Variants in VKORC1L1 observed in about 807,000 individuals in gnomAD.
VKORC1L1 encodes the protein vitamin K epoxide reductase complex subunit 1L1.
VKORC1L1 carries 2 observed loss-of-function variants against 18.9 expected under a neutral mutation model. That is an observed-to-expected ratio of 0.11 (90% CI 0.04 to 0.33). The LOEUF (loss-of-function observed/expected upper bound fraction) is 0.33, where lower values mean the gene tolerates loss of function less well. VKORC1L1 is among the 10% of genes least tolerant of loss of function. The probability of loss-of-function intolerance (pLI) is 1.00; values close to 1 mark genes in which losing one functional copy is unlikely to be tolerated. For synonymous variants in VKORC1L1, 96 were observed against 100.0 expected (o/e 0.96, Z 0.24); for missense variants, 123 against 224.1 (o/e 0.55, Z 2.88).
intron 1 of VKORC1L1, among the ~76,000 whole-genome samples, chr7:65,899,753 A>C (rs1430932001): frequency 6.6e-6 from 1 of 152,156 alleles, no homozygotes; most frequent in African/African-American, 2.4e-5. Flanking sequence ...TAATCCCAGC[A>C]CTTTGGGAGG....
rs187362935 is a variant in VKORC1L1 at position 65,945,607 on chromosome 7, C to T, written c.195-3064C>T. Among the ~76,000 whole-genome samples the T allele has an allele frequency of 3.6e-4, 54 of 149,272 alleles. No homozygotes were observed. In the East Asian group the frequency reaches 8.3e-3, roughly 23 times the overall value. ...AGCCTGGGCGACACGAATGAGACTCCGTCTCAAAAAAAAAAGGTGGAAACA... is the reference window on the plus strand; with the variant it reads ...AGCCTGGGCGACACGAATGAGACTCTGTCTCAAAAAAAAAAGGTGGAAACA... On this transcript the variant is annotated intron_variant, in intron 1 of 2. Transcript: ENST00000360768.
chr7:65,921,708 C>A (rs368000749), intron 1 of VKORC1L1, among the ~76,000 whole-genome samples: 1 of 151,786 alleles, frequency 6.6e-6, no homozygotes, highest in Non-Finnish European at 1.5e-5. Context: ...ATTAGCCGGG[C>A]GTGGTGGCGG....
chr7:65,945,378 G>A lies in VKORC1L1; in HGVS notation c.195-3293G>A, dbSNP rs1171478932. Among the ~76,000 whole-genome samples, 7 of 152,124 alleles carry A rather than the reference G, an allele frequency of 4.6e-5. No individual in the cohort carries two copies. In the South Asian group the frequency reaches 6.2e-4, roughly 14 times the overall value. On this transcript the variant is annotated intron_variant, in intron 1 of 2. Coordinates refer to ENST00000360768, the MANE Select transcript of VKORC1L1 (RefSeq NM_173517.6). ...TGTAATCCCAGCACTTTGGGAGGCC[G>A]AGGCGGGCAGATCACGAGGTCAGCA...
Position 65,873,407 on chromosome 7 carries a change from G to C in VKORC1L1, c.36G>C (p.Pro12=). ...AAPVLLRVSV[P]RWERVARYAV... ...CCGTCCTGCTAAGAGTGTCGGTGCC[G>C]CGGTGGGAGCGGGTGGCCCGGTATG... is the stretch of plus-strand genomic sequence containing the variant. The change falls in exon 1 of 3, where the codon CCG becomes CCC. Residue 12 remains proline, a synonymous_variant. Transcript: ENST00000360768. 6.3e-7 allele frequency: 1 copy of C among 1,576,104 alleles called. No individual in the cohort carries two copies. The highest frequency in any genetic ancestry group is 1.1e-5 in the South Asian group (1 of 89,414).
At chr7:65,915,381 G>A (rs1162320221) in intron 1 of VKORC1L1, among the ~76,000 whole-genome samples, 4 of 151,068 alleles carry the variant, frequency 2.6e-5, no homozygotes, top group African/African-American at 7.3e-5. Context: ...ATGAGCCACC[G>A]CGCCCAGCCT....
At chr7:65,887,876 A>G (rs1249000960) in intron 1 of VKORC1L1, among the ~76,000 whole-genome samples, 2 of 152,222 alleles carry the variant, frequency 1.3e-5, no homozygotes, top group Non-Finnish European at 2.9e-5. Context: ...ATGTATCACC[A>G]TATTTCCCTC....
chr7:65,882,309 G>A (rs1788941660), intron 1 of VKORC1L1, among the ~76,000 whole-genome samples: 2 of 151,720 alleles, frequency 1.3e-5, no homozygotes, highest in Admixed American at 1.3e-4. Context: ...AACCCAGGAG[G>A]CAGAGGTTGC....
At chr7:65,908,511 A>G (rs769954715) in intron 1 of VKORC1L1, among the ~76,000 whole-genome samples, 3 of 152,012 alleles carry the variant, frequency 2.0e-5, no homozygotes, top group Admixed American at 1.3e-4. Context: ...CTAGCCTGGT[A>G]TTTCTCAAAC....
At chr7:65,919,664 C>T (rs144745365) in intron 1 of VKORC1L1, among the ~76,000 whole-genome samples, 23 of 152,334 alleles carry the variant, frequency 1.5e-4, no homozygotes, top group African/African-American at 5.3e-4. Context: ...CTACCATGCT[C>T]TCTGCTGGGA....
At chr7:65,899,042 A>C (rs551567043) in intron 1 of VKORC1L1, among the ~76,000 whole-genome samples, 2 of 152,368 alleles carry the variant, frequency 1.3e-5, no homozygotes, top group Non-Finnish European at 2.9e-5. Flanking sequence ...AAGTAAAAAG[A>C]CATGACCTTA....
chr7:65,919,243 A>G (rs768908225), intron 1 of VKORC1L1, among the ~76,000 whole-genome samples: 2 of 152,124 alleles, frequency 1.3e-5, no homozygotes, highest in African/African-American at 2.4e-5. Flanking sequence ...TCATTGATTA[A>G]TGGATTGATG....
rs1463949083 is a variant in VKORC1L1, at chr7:65,957,225, A to G, written c.*2925A>G. ...GCCGGGCACGGTGGCTCACGCCTAT[A>G]ATCCCAGCACTTTGGGAGGCCGAGG... On this transcript the variant is annotated 3_prime_UTR_variant, in exon 3 of 3. Coordinates refer to ENST00000360768, the MANE Select transcript of VKORC1L1 (RefSeq NM_173517.6). 3 of 152,298 alleles carry G rather than the reference A, an allele frequency of 2.0e-5. No individual in the cohort carries two copies. Among genetic ancestry groups the G allele is most frequent in the Admixed American group, 6.5e-5 (1 of 15,284 alleles). 9.4% of individuals were successfully genotyped at this position (152,298 alleles called of 1,614,324 possible).
chr7:65,888,227 A>G (rs1466303105), intron 1 of VKORC1L1, among the ~76,000 whole-genome samples: 1 of 152,192 alleles, frequency 6.6e-6, no homozygotes, highest in African/African-American at 2.4e-5. Context: ...TTTCAAGTCT[A>G]TAGGGTCCCT....
At chr7:65,948,928 C>A in intron 2 of VKORC1L1, 148 bp downstream of exon 2, 1 of 1,010,616 alleles carries the variant, frequency 9.9e-7, no homozygotes, top group Non-Finnish European at 1.4e-6. Context: ...ACTTGATTCA[C>A]TGAGATTTTT....
At chr7:65,866,863 GA>G in the VKORC1L1 span, among the ~76,000 whole-genome samples, 1 of 152,050 alleles carries the variant, frequency 6.6e-6, no homozygotes, top group Non-Finnish European at 1.5e-5. Context: ...TGTCGAGGAG[GA>G]AGAGGAGGAG....
In VKORC1L1 at chr7:65,930,153, A is replaced by C. The variant is rs567864498; in HGVS notation, c.195-18518A>C. ...GCCGGGTAACCTTATAAACTTCTTA[A>C]TTCTAGAAGCTCTTTTGCATTTTCC... is the stretch of plus-strand genomic sequence containing the variant. On this transcript the variant is annotated intron_variant, in intron 1 of 2. Coordinates refer to ENST00000360768, the MANE Select transcript of VKORC1L1 (RefSeq NM_173517.6). Among the ~76,000 whole-genome samples the C allele has an allele frequency of 6.2e-4, 95 of 152,266 alleles. 1 individual carries two copies. Among genetic ancestry groups the C allele is most frequent in the Non-Finnish European group, 1.0e-3 (71 of 68,008 alleles).
At chr7:65,877,806 C>CTA (rs1007388383) in intron 1 of VKORC1L1, among the ~76,000 whole-genome samples, 8 of 152,110 alleles carry the variant, frequency 5.3e-5, no homozygotes, top group Non-Finnish European at 1.5e-5. Flanking sequence ...GTCCTATGGT[C>CTA]TATGTATAGA....
At chr7:65,892,368 G>A (rs1290677363) in intron 1 of VKORC1L1, among the ~76,000 whole-genome samples, 1 of 152,150 alleles carries the variant, frequency 6.6e-6, no homozygotes, top group Admixed American at 6.5e-5. Flanking sequence ...CGTCCACATA[G>A]TGATTGTACT....
intron 1 of VKORC1L1, among the ~76,000 whole-genome samples, chr7:65,906,557 C>T (rs1455362651): frequency 6.6e-6 from 1 of 152,108 alleles, no homozygotes; most frequent in Non-Finnish European, 1.5e-5. Context: ...ATACACACTG[C>T]CTATTTTTGA....
Sources: allele counts gnomAD v4.1 joint callset (sites outside exome capture counted in the v4.1 genomes callset), GRCh38; gene constraint gnomAD v4.1.1; transcripts MANE v1.5; gene names NCBI Gene and HGNC (gene_info 2026-07-23, HGNC 2026-07-21).